Variants in LINGO2 observed in about 807,000 individuals in gnomAD.
The protein encoded by LINGO2 is leucine-rich repeat and immunoglobulin-like domain-containing nogo receptor-interacting protein 2.
In LINGO2, 14 loss-of-function variants were observed where a neutral mutation model predicts 30.6. That is an observed-to-expected ratio of 0.46 (90% CI 0.30 to 0.72). The LOEUF (loss-of-function observed/expected upper bound fraction) is 0.72. Among genes scored for constraint, LINGO2 ranks in the 30% least tolerant of loss-of-function variants. LINGO2 has a pLI of 0.07. For synonymous variants in LINGO2, 317 were observed against 288.5 expected (o/e 1.10, Z -1.00); for missense variants, 729 against 751.7 (o/e 0.97, Z 0.35).
chr9:29,030,418 C>T, the LINGO2 span, among the ~76,000 whole-genome samples: 1 of 152,104 alleles, frequency 6.6e-6, no homozygotes, highest in Non-Finnish European at 1.5e-5. Flanking sequence ...TCAAATTTCA[C>T]CTGTTGTCTA....
At chr9:28,888,654 A>G in the LINGO2 span, among the ~76,000 whole-genome samples, 11 of 152,300 alleles carry the variant, frequency 7.2e-5, no homozygotes, top group African/African-American at 2.6e-4. Flanking sequence ...CAGGACTATT[A>G]GAGATGCTTC....
intron 4 of LINGO2, among the ~76,000 whole-genome samples, chr9:28,120,296 A>G (rs1013900494): frequency 6.6e-6 from 1 of 152,182 alleles, no homozygotes; most frequent in African/African-American, 2.4e-5. Context: ...GCCTGTCACA[A>G]TAGATGGGGA....
intron 5 of LINGO2, among the ~76,000 whole-genome samples, chr9:28,003,417 T>A (rs1822082946): frequency 6.6e-6 from 1 of 152,064 alleles, no homozygotes; most frequent in Non-Finnish European, 1.5e-5. Context: ...AGTTCACATT[T>A]ATTTCAGTGT....
chr9:28,098,563 T>C (rs1388901462), intron 4 of LINGO2, among the ~76,000 whole-genome samples: 3 of 152,176 alleles, frequency 2.0e-5, no homozygotes, highest in Non-Finnish European at 4.4e-5. Context: ...CCTTCAGGCA[T>C]GGATCTTTCT....
chr9:27,954,187 C>G (rs1563852099), intron 5 of LINGO2, among the ~76,000 whole-genome samples: 1 of 152,046 alleles, frequency 6.6e-6, no homozygotes, highest in Non-Finnish European at 1.5e-5. Context: ...GAGTATATAT[C>G]ACTTCTATGT....
At position 28,030,845 on chromosome 9, in the gene LINGO2, G is replaced by A. The variant is rs548832085; in HGVS notation, c.-86-18440C>T. 3.5e-4 allele frequency among the ~76,000 whole-genome samples: 40 copies of A among 113,188 alleles called. No homozygotes were observed. The South Asian group carries it at 0.014, about 40-fold the overall frequency. The allele number at this position is 113,188 out of a possible 152,430, so 74.3% of individuals were successfully genotyped here. On this transcript the variant is annotated intron_variant, in intron 4 of 5. Coordinates refer to ENST00000379992, the Ensembl canonical transcript of LINGO2. ...TGAAGGAAATGGAAAAACAAAAAAAGCAGACAAAGATTCAAAATGAGACTC... is the reference window on the plus strand; with the variant it reads ...TGAAGGAAATGGAAAAACAAAAAAAACAGACAAAGATTCAAAATGAGACTC...
the LINGO2 span, among the ~76,000 whole-genome samples, chr9:29,169,510 A>G: frequency 6.6e-6 from 1 of 152,104 alleles, no homozygotes; most frequent in African/African-American, 2.4e-5. Flanking sequence ...CGAGCGGCCA[A>G]CAAACATATG....
At chr9:28,966,111 T>G in the LINGO2 span, among the ~76,000 whole-genome samples, 1 of 152,126 alleles carries the variant, frequency 6.6e-6, no homozygotes, top group Non-Finnish European at 1.5e-5. Flanking sequence ...ATTGGCCCCT[T>G]AGGCTTGTTG....
chr9:29,144,115 C>T, the LINGO2 span, among the ~76,000 whole-genome samples: 1 of 152,168 alleles, frequency 6.6e-6, no homozygotes, highest in African/African-American at 2.4e-5. Context: ...TTACTCTGTT[C>T]CATCGGTTTA....
chr9:28,881,938 G>C, the LINGO2 span, among the ~76,000 whole-genome samples: 2 of 152,064 alleles, frequency 1.3e-5, no homozygotes, highest in Non-Finnish European at 2.9e-5. Context: ...GTTAACTATT[G>C]TCTTTTCATT....
At chr9:28,095,768 C>A (rs1488820602) in intron 4 of LINGO2, among the ~76,000 whole-genome samples, 1 of 152,130 alleles carries the variant, frequency 6.6e-6, no homozygotes, top group Non-Finnish European at 1.5e-5. Flanking sequence ...TCAGACTGAA[C>A]AGGCAACCTA....
At chr9:28,717,310 A>G in the LINGO2 span, among the ~76,000 whole-genome samples, 2 of 150,800 alleles carry the variant, frequency 1.3e-5, no homozygotes, top group African/African-American at 4.9e-5. Context: ...TTTATTTCCC[A>G]TGGCCACAAC....
intron 5 of LINGO2, among the ~76,000 whole-genome samples, chr9:28,002,873 T>C (rs1230150899): frequency 6.6e-6 from 1 of 152,016 alleles, no homozygotes; most frequent in Non-Finnish European, 1.5e-5. Flanking sequence ...GTTTCAATCG[T>C]GTGGTGTGTT....
At chr9:28,831,450 T>C in the LINGO2 span, among the ~76,000 whole-genome samples, 1 of 152,176 alleles carries the variant, frequency 6.6e-6, no homozygotes, top group Non-Finnish European at 1.5e-5. Flanking sequence ...TTTTCTATTT[T>C]ATTTTAGAAG....
chr9:28,309,234 A>G (rs1340888400), intron 3 of LINGO2, among the ~76,000 whole-genome samples: 1 of 152,202 alleles, frequency 6.6e-6, no homozygotes, highest in African/African-American at 2.4e-5. Context: ...CATATACACC[A>G]TGGAATACTA....
At chr9:28,995,200 C>A in the LINGO2 span, among the ~76,000 whole-genome samples, 1 of 152,140 alleles carries the variant, frequency 6.6e-6, no homozygotes, top group African/African-American at 2.4e-5. Flanking sequence ...CCATCAAAAT[C>A]TGGGTGAAGG....
intron 2 of LINGO2, among the ~76,000 whole-genome samples, chr9:28,410,159 CAGAG>C (rs926687523): frequency 6.7e-6 from 1 of 149,172 alleles, no homozygotes; most frequent in African/African-American, 2.5e-5. Context: ...GAAAAAGTAA[CAGAG>C]AAAGAGAAAG....
At chr9:28,572,682 GATTC>G (rs74595725) in intron 1 of LINGO2, among the ~76,000 whole-genome samples, 18,953 of 151,992 alleles carry the variant, frequency 0.12, 1,680 homozygotes, top group African/African-American at 0.25. Flanking sequence ...AATGTCCCGT[GATTC>G]ATTCATCCTT....
intron 1 of LINGO2, among the ~76,000 whole-genome samples, chr9:28,482,406 G>A (rs889908130): frequency 3.3e-5 from 5 of 152,058 alleles, no homozygotes; most frequent in Non-Finnish European, 5.9e-5. Flanking sequence ...GTGTTTTCTG[G>A]CTGCATAAAT....
Sources: gnomAD v4.1 joint callset for allele counts (sites outside exome capture counted in the v4.1 genomes callset) on GRCh38, gnomAD v4.1.1 for gene constraint, MANE v1.5 for transcripts, NCBI Gene and HGNC (gene_info 2026-07-23, HGNC 2026-07-21) for gene names.